Variants in KYAT3 observed in about 807,000 individuals in gnomAD.
KYAT3 encodes kynurenine aminotransferase 3, also known as kynurenine--oxoglutarate transaminase 3.
Under a neutral mutation model 59.0 loss-of-function variants are expected in KYAT3, and 50 were observed. The observed-to-expected ratio is 0.85, with a 90% CI of 0.68 to 1.07. KYAT3 has a LOEUF of 1.07. Among genes scored for constraint, KYAT3 ranks in the 50% least tolerant of loss-of-function variants. KYAT3 has a pLI of 0.00. For missense variants in KYAT3, 497 were observed against 533.3 expected (o/e 0.93, Z 0.67); for synonymous variants, 148 against 177.0 (o/e 0.84, Z 1.30).
chr1:88,988,140 T>C (rs1677577379), intron 2 of KYAT3, 112 bp downstream of exon 2: 3 of 675,638 alleles, frequency 4.4e-6, no homozygotes, highest in African/African-American at 3.7e-5. Flanking sequence ...GCATATGTAA[T>C]AGAAATGTTC....
At chr1:88,957,847 T>C (rs114836593) in intron 8 of KYAT3, among the ~76,000 whole-genome samples, 3,569 of 152,282 alleles carry the variant, frequency 0.023, 64 homozygotes, top group Middle Eastern at 0.041. Flanking sequence ...AATCTGATTT[T>C]CCACTGGGAA....
chr1:88,982,009 C>A (rs1677116007), intron 2 of KYAT3: 8 of 979,906 alleles, frequency 8.2e-6, no homozygotes, highest in Non-Finnish European at 9.7e-6. Flanking sequence ...AGTTGTTTAG[C>A]ACACACTTAA....
chr1:88,950,503 T>C (rs867151575), intron 10 of KYAT3, among the ~76,000 whole-genome samples: 4 of 152,044 alleles, frequency 2.6e-5, no homozygotes, highest in Admixed American at 6.6e-5. Flanking sequence ...ATATCTTTTT[T>C]TTTTTTTCTC....
chr1:88,967,955 G>A (rs1676407305), intron 4 of KYAT3, among the ~76,000 whole-genome samples: 2 of 152,092 alleles, frequency 1.3e-5, no homozygotes, highest in Non-Finnish European at 2.9e-5. Flanking sequence ...TGTAGGGTGG[G>A]CCAGGGAGTG....
intron 1 of KYAT3, 132 bp from the exon 2 acceptor site, chr1:88,988,483 G>A (rs1242467720): frequency 3.9e-6 from 2 of 514,442 alleles, no homozygotes; most frequent in Non-Finnish European, 6.9e-6. Context: ...AAGTGAGTTT[G>A]CTTTCTTTCA....
intron 4 of KYAT3, among the ~76,000 whole-genome samples, chr1:88,967,779 C>CT (rs945163445): frequency 1.5e-4 from 23 of 151,640 alleles, no homozygotes; most frequent in Admixed American, 4.6e-4. Flanking sequence ...TGAGTTTTTT[C>CT]TTTTTTATTG....
At chr1:88,938,962 T>C (rs12088821) in intron 13 of KYAT3, among the ~76,000 whole-genome samples, 5,807 of 152,230 alleles carry the variant, frequency 0.038, 320 homozygotes, top group African/African-American at 0.12. Flanking sequence ...CTTGTAGAGG[T>C]AGAATTGTTG....
intron 2 of KYAT3, among the ~76,000 whole-genome samples, chr1:88,987,625 A>T (rs1346006741): frequency 6.6e-6 from 1 of 152,228 alleles, no homozygotes; most frequent in African/African-American, 2.4e-5. Flanking sequence ...AGATTCAGTA[A>T]TTCTCAAGAT....
At chr1:88,952,755 A>G (rs1452945736) in intron 10 of KYAT3, among the ~76,000 whole-genome samples, 1 of 152,198 alleles carries the variant, frequency 6.6e-6, no homozygotes, top group Non-Finnish European at 1.5e-5. Context: ...AATTCTTAGA[A>G]GATGGATTGC....
Position 88,962,061 on chromosome 1 carries a change from A to G in KYAT3, c.538T>C (p.Ser180Pro). The change falls in exon 6 of 14, where the codon TCT becomes CCT. Residue 180 changes from serine to proline, a missense_variant and splice_region_variant. By Grantham distance (74) the Ser-to-Pro change is moderately conservative (BLOSUM62 -1). Transcript: ENST00000260508. The stretch of plus-strand genomic sequence containing the variant: ...ATGAACCATACTGGCAAACTTACAG[A>G]TCTCAGGGGAATAAAAACAGGTGTT... ...GATPVFIPLR[S>P]KPVYGKRWSS... is the part of the protein sequence containing the mutation. 2.5e-6 allele frequency: 4 copies of G among 1,612,378 alleles called. No individual in the cohort carries two copies. The highest frequency in any genetic ancestry group is 2.5e-6 in the Non-Finnish European group (3 of 1,178,444).
chr1:88,955,193 T>C lies in KYAT3; in HGVS notation c.820A>G (p.Thr274Ala). The C allele has an allele frequency of 6.2e-7, 1 of 1,612,652 alleles. No individual in the cohort carries two copies. The highest frequency in any genetic ancestry group is 8.5e-7 in the Non-Finnish European group (1 of 1,178,824). ...AAAGTCTTTCCAGCACTTCCTATTGTTATTGTTCTCTCCCACATACCTGGA... is the reference window on the plus strand; with the variant it reads ...AAAGTCTTTCCAGCACTTCCTATTGCTATTGTTCTCTCCCACATACCTGGA... Reference protein sequence around the residue: ...TFPGMWERTITIGSAGKTFSV... With the variant: ...TFPGMWERTIAIGSAGKTFSV... Residue 274 changes from threonine (T) to alanine (A), a missense_variant, in exon 9 of 14, where the codon ACA becomes GCA. Thr to Ala is a moderately conservative substitution (Grantham distance 58). Coordinates refer to ENST00000260508, the MANE Select transcript of KYAT3 (RefSeq NM_001008661.3).
chr1:88,981,837 G>A, intron 2 of KYAT3: 1 of 459,862 alleles, frequency 2.2e-6, no homozygotes. Context: ...TAAGCCTTTA[G>A]GAAGTTGGAG....
rs1311639093 is a variant in KYAT3, at chr1:88,988,060, C to T, written c.99+192G>A. Among the ~76,000 whole-genome samples, 4 of 152,134 alleles carry T rather than the reference C, an allele frequency of 2.6e-5. No homozygotes were observed. In the East Asian group the frequency reaches 7.7e-4, roughly 29 times the overall value. ...TGAATATATAATGACCAGCACATGG[C>T]CTGATCCACAGACAGGCAAGCAGTT... is the stretch of plus-strand genomic sequence containing the variant. On this transcript the variant is annotated intron_variant, in intron 2 of 13. Coordinates refer to ENST00000260508, the MANE Select transcript of KYAT3 (RefSeq NM_001008661.3).
intron 8 of KYAT3, among the ~76,000 whole-genome samples, chr1:88,960,948 T>A (rs1676114755): frequency 6.6e-6 from 1 of 152,232 alleles, no homozygotes; most frequent in Non-Finnish European, 1.5e-5. Flanking sequence ...TCTGGTATCA[T>A]AGCTTTATAG....
At position 88,940,447 on chromosome 1, in the gene KYAT3, T is replaced by C. The variant is rs182985824; in HGVS notation, c.1302+2558A>G. On this transcript the variant is annotated intron_variant, in intron 13 of 13. Coordinates refer to ENST00000260508, the MANE Select transcript of KYAT3 (RefSeq NM_001008661.3). ...GCCAAAGCATGCACTATACCTATTG[T>C]TCTGAGTAATAAGCATGCTACCTGC... 2.0e-5 allele frequency among the ~76,000 whole-genome samples: 3 copies of C among 152,336 alleles called. No individual in the cohort carries two copies. The East Asian group carries it at 5.8e-4, about 29-fold the overall frequency.
chr1:88,955,764 G>A (rs2101036653), intron 8 of KYAT3, among the ~76,000 whole-genome samples: 2 of 152,264 alleles, frequency 1.3e-5, no homozygotes, highest in South Asian at 4.1e-4. Context: ...GCAAATCACT[G>A]GGCCTCATCC....
intron 8 of KYAT3, among the ~76,000 whole-genome samples, chr1:88,956,189 A>C (rs530508937): frequency 2.6e-5 from 4 of 152,316 alleles, no homozygotes; most frequent in East Asian, 3.9e-4. Context: ...TTAAACAGCA[A>C]AATCACTGTA....
intron 10 of KYAT3, among the ~76,000 whole-genome samples, 176 bp downstream of exon 10, chr1:88,952,887 A>C (rs921030806): frequency 8.5e-5 from 13 of 152,316 alleles, no homozygotes; most frequent in Middle Eastern, 6.8e-3. Context: ...TTAAAAAAAA[A>C]CCCAAACCAT....
chr1:88,982,968 T>A, intron 2 of KYAT3: 4 of 1,613,680 alleles, frequency 2.5e-6, no homozygotes, highest in Non-Finnish European at 3.4e-6. Context: ...TTACCATAAC[T>A]CTCATATGAA....
Sources: allele counts gnomAD v4.1 joint callset (sites outside exome capture counted in the v4.1 genomes callset), GRCh38; gene constraint gnomAD v4.1.1; transcripts MANE v1.5; gene names NCBI Gene and HGNC (gene_info 2026-07-23, HGNC 2026-07-21).